Variants in ALCAM observed in about 807,000 individuals in gnomAD.
ALCAM encodes the protein CD166 antigen.
In ALCAM, 30 loss-of-function variants were observed where a neutral mutation model predicts 70.9. That is an observed-to-expected ratio of 0.42 (90% CI 0.32 to 0.57). ALCAM has a LOEUF of 0.57. Among genes scored for constraint, ALCAM ranks in the 20% least tolerant of loss-of-function variants. The probability of loss-of-function intolerance (pLI) is 0.11; values close to 1 mark genes in which losing one functional copy is unlikely to be tolerated. For missense variants in ALCAM, 591 were observed against 695.1 expected (o/e 0.85, Z 1.68); for synonymous variants, 249 against 242.5 (o/e 1.03, Z -0.25).
rs1460962526 is a variant in ALCAM, at chr3:105,366,988, C to G, written c.-421C>G. ...GAGGAGACCCGCCGCCCCCCCGTCG[C>G]CGCCTCCTGCGAGTCCTTCTTAGCA... On this transcript the variant is annotated 5_prime_UTR_variant, in exon 1 of 16. Transcript: ENST00000306107. 1 of 164,368 alleles carries G rather than the reference C, an allele frequency of 6.1e-6. No homozygotes were observed. Among genetic ancestry groups the G allele is most frequent in the African/African-American group, 2.4e-5 (1 of 41,612 alleles). The allele number at this position is 164,368 out of a possible 1,614,324, so 10.2% of individuals were successfully genotyped here.
chr3:105,483,421 C>T (rs773326665), intron 1 of ALCAM, among the ~76,000 whole-genome samples: 2 of 152,008 alleles, frequency 1.3e-5, no homozygotes, highest in Non-Finnish European at 2.9e-5. Context: ...AGAGTAGTAG[C>T]GAAACCCAGG....
chr3:105,472,848 T>G (rs1247436841), intron 1 of ALCAM, among the ~76,000 whole-genome samples: 2 of 151,450 alleles, frequency 1.3e-5, no homozygotes, highest in Non-Finnish European at 3.0e-5. Context: ...ATCTGCAAAA[T>G]AAGGACAAAG....
rs774694563 is a variant in ALCAM, at chr3:105,540,107, GTGCTTAAGTAT to G, written c.858+7_858+17del. The G allele has an allele frequency of 3.8e-5, 61 of 1,610,190 alleles. No homozygotes were observed. In the East Asian group the frequency reaches 1.4e-3, roughly 36 times the overall value. On this transcript the variant is annotated splice_donor_region_variant and intron_variant, in intron 7 of 15. Coordinates refer to ENST00000306107, the MANE Select transcript of ALCAM (RefSeq NM_001627.4). Reference sequence around the variant, plus strand: ...GAATTTTTGTTTTACTTACCAGTAAGTGCTTAAGTATTACTTCAGTTGGATGACTATCATTT... The same window carrying G: ...GAATTTTTGTTTTACTTACCAGTAAGTACTTCAGTTGGATGACTATCATTT...
At chr3:105,403,113 A>G (rs1343412856) in intron 1 of ALCAM, among the ~76,000 whole-genome samples, 2 of 151,668 alleles carry the variant, frequency 1.3e-5, no homozygotes, top group African/African-American at 2.4e-5. Context: ...CGCCCAGCCA[A>G]TTTTTGTATT....
At chr3:105,423,927 T>C (rs1291555305) in intron 1 of ALCAM, among the ~76,000 whole-genome samples, 1 of 151,562 alleles carries the variant, frequency 6.6e-6, no homozygotes, top group Non-Finnish European at 1.5e-5. Flanking sequence ...TTTGAATAGT[T>C]TGGGGGACAT....
intron 1 of ALCAM, among the ~76,000 whole-genome samples, chr3:105,469,679 A>G (rs1479635960): frequency 1.3e-5 from 2 of 151,126 alleles, no homozygotes; most frequent in African/African-American, 2.4e-5. Context: ...TAGAATTTGT[A>G]TCTGTAGGGA....
At chr3:105,424,218 C>T (rs1233038773) in intron 1 of ALCAM, among the ~76,000 whole-genome samples, 5 of 151,470 alleles carry the variant, frequency 3.3e-5, no homozygotes, top group South Asian at 2.1e-4. Flanking sequence ...GAAGCCTGAG[C>T]CATGTTATGG....
chr3:105,511,999 G>C (rs533079343), intron 1 of ALCAM, among the ~76,000 whole-genome samples: 20 of 152,034 alleles, frequency 1.3e-4, no homozygotes, highest in African/African-American at 3.6e-4. Context: ...AAAAGCTAAA[G>C]CAATACAGTT....
At chr3:105,385,018 C>A (rs59553719) in intron 1 of ALCAM, among the ~76,000 whole-genome samples, 5 of 151,492 alleles carry the variant, frequency 3.3e-5, no homozygotes, top group Non-Finnish European at 5.9e-5. Flanking sequence ...TTTAAAAAAT[C>A]TTTTCTATTA....
intron 1 of ALCAM, among the ~76,000 whole-genome samples, chr3:105,423,011 T>C (rs572612812): frequency 2.6e-5 from 4 of 151,650 alleles, no homozygotes; most frequent in Non-Finnish European, 5.9e-5. Context: ...AATCTTCTAA[T>C]GTAAGTTCCC....
At chr3:105,390,999 C>T (rs745529985) in intron 1 of ALCAM, among the ~76,000 whole-genome samples, 14 of 152,104 alleles carry the variant, frequency 9.2e-5, no homozygotes, top group Middle Eastern at 3.4e-3. Context: ...TTACTGTAGC[C>T]TTGTAGTGTA....
intron 1 of ALCAM, among the ~76,000 whole-genome samples, chr3:105,377,441 T>TA (rs924886567): frequency 1.3e-5 from 2 of 152,106 alleles, no homozygotes; most frequent in Non-Finnish European, 2.9e-5. Flanking sequence ...TACACATCTT[T>TA]AAAAAAATCC....
At chr3:105,406,891 G>A (rs1936249726) in intron 1 of ALCAM, among the ~76,000 whole-genome samples, 1 of 152,044 alleles carries the variant, frequency 6.6e-6, no homozygotes, top group African/African-American at 2.4e-5. Context: ...TGACACCACA[G>A]AAATACAAAA....
At chr3:105,440,043 C>T (rs761672092) in intron 1 of ALCAM, among the ~76,000 whole-genome samples, 2 of 152,164 alleles carry the variant, frequency 1.3e-5, no homozygotes, top group Non-Finnish European at 1.5e-5. Flanking sequence ...AAAAATCTCA[C>T]ACGCCATCCA....
chr3:105,536,452 G>C (rs928336019), intron 6 of ALCAM, among the ~76,000 whole-genome samples: 1 of 152,100 alleles, frequency 6.6e-6, no homozygotes, highest in Non-Finnish European at 1.5e-5. Context: ...TGTAAGTGTA[G>C]GTGTACAACA....
chr3:105,426,048 A>G lies in ALCAM; in HGVS notation c.73+58567A>G, dbSNP rs995597098. ...AGCAAAACTAAGCTTTATTTTTCCC[A>G]TTTTGTCTAGTCTATGTTTCACATG... is the stretch of plus-strand genomic sequence containing the variant. On this transcript the variant is annotated intron_variant, in intron 1 of 15. Coordinates refer to ENST00000306107, the MANE Select transcript of ALCAM (RefSeq NM_001627.4). Among the ~76,000 whole-genome samples, 5 of 151,770 alleles carry G rather than the reference A, an allele frequency of 3.3e-5. No homozygotes were observed. The East Asian group carries it at 7.8e-4, about 24-fold the overall frequency.
At chr3:105,492,356 C>A (rs926443644) in intron 1 of ALCAM, among the ~76,000 whole-genome samples, 1 of 152,102 alleles carries the variant, frequency 6.6e-6, no homozygotes, top group African/African-American at 2.4e-5. Flanking sequence ...CACATCTAAA[C>A]CAGAAATATC....
intron 6 of ALCAM, among the ~76,000 whole-genome samples, chr3:105,538,849 G>A (rs922489485): frequency 6.6e-6 from 1 of 152,132 alleles, no homozygotes; most frequent in Non-Finnish European, 1.5e-5. Flanking sequence ...ACCTCAGAAT[G>A]TACTGGACAA....
At chr3:105,406,370 C>T (rs1936232581) in intron 1 of ALCAM, among the ~76,000 whole-genome samples, 2 of 152,118 alleles carry the variant, frequency 1.3e-5, no homozygotes, top group Admixed American at 6.6e-5. Flanking sequence ...CTTTAAGGCC[C>T]AGGAAAGGCC....
Sources: gnomAD v4.1 joint callset for allele counts (sites outside exome capture counted in the v4.1 genomes callset) on GRCh38, gnomAD v4.1.1 for gene constraint, MANE v1.5 for transcripts, NCBI Gene and HGNC (gene_info 2026-07-23, HGNC 2026-07-21) for gene names.